The following WWOX variants were observed in gnomAD, a reference collection of about 807,000 sequenced individuals.
The protein encoded by WWOX is WW domain containing oxidoreductase.
In WWOX, 69 loss-of-function variants were observed where a neutral mutation model predicts 46.2. The observed-to-expected ratio is 1.49, with a 90% CI of 1.23 to 1.82. The LOEUF (loss-of-function observed/expected upper bound fraction) is 1.82, where lower values mean the gene tolerates loss of function less well. Among genes scored for constraint, WWOX ranks in the 40% most tolerant of loss-of-function variants. The pLI is 0.00. For missense variants in WWOX, 919 were observed against 542.6 expected, an observed-to-expected ratio of 1.69 and a Z score of -6.89; for synonymous variants, 359 against 202.6, an observed-to-expected ratio of 1.77 and a Z score of -6.56.
intron 4 of WWOX, among the ~76,000 whole-genome samples, chr16:78,125,625 G>C (rs2033329220): frequency 6.6e-6 from 1 of 152,134 alleles, no homozygotes; most frequent in Non-Finnish European, 1.5e-5. Context: ...CCTTTGGGAG[G>C]CTGAGGCAGG....
At chr16:78,589,183 G>T (rs1310449162) in intron 8 of WWOX, among the ~76,000 whole-genome samples, 1 of 152,208 alleles carries the variant, frequency 6.6e-6, no homozygotes, top group African/African-American at 2.4e-5. Flanking sequence ...ATGGAGTGTT[G>T]TTTGTTATTT....
intron 6 of WWOX, among the ~76,000 whole-genome samples, chr16:78,397,769 C>A (rs1478119069): frequency 6.6e-6 from 1 of 152,216 alleles, no homozygotes; most frequent in Non-Finnish European, 1.5e-5. Context: ...AGGTGATCCG[C>A]CCACCTCAAC....
chr16:79,056,455 C>A (rs1242281013), intron 8 of WWOX, among the ~76,000 whole-genome samples: 1 of 152,184 alleles, frequency 6.6e-6, no homozygotes, highest in Non-Finnish European at 1.5e-5. Context: ...GTATCTGGGG[C>A]AGAGGGTTGC....
At chr16:78,767,778 C>T (rs1486771618) in intron 8 of WWOX, among the ~76,000 whole-genome samples, 1 of 152,112 alleles carries the variant, frequency 6.6e-6, no homozygotes, top group Non-Finnish European at 1.5e-5. Flanking sequence ...TGTTACCTCC[C>T]TGCAGTGTTG....
chr16:78,210,785 G>C (rs1321008288), intron 5 of WWOX, among the ~76,000 whole-genome samples: 3 of 152,094 alleles, frequency 2.0e-5, no homozygotes. Context: ...AAAATGTTAG[G>C]TCTACCCAGT....
chr16:78,571,929 A>C (rs1464461877), intron 8 of WWOX, among the ~76,000 whole-genome samples: 1 of 152,206 alleles, frequency 6.6e-6, no homozygotes, highest in Non-Finnish European at 1.5e-5. Context: ...GATTGGCAAA[A>C]CGTTAAGTAC....
In WWOX at chr16:78,773,662, T is replaced by C. The variant is rs567542120; in HGVS notation, c.1056+340910T>C. Among the ~76,000 whole-genome samples the C allele has an allele frequency of 9.7e-4, 148 of 152,248 alleles. 1 individual carries two copies. The highest frequency in any genetic ancestry group is 2.9e-4 in the Non-Finnish European group (20 of 68,028). ...GTTTTCCGCTACTCACTGGATAGTG[T>C]TTATTAAAAACGAAATCACAGTGGT... is the stretch of plus-strand genomic sequence containing the variant. On this transcript the variant is annotated intron_variant, in intron 8 of 8. Coordinates refer to ENST00000566780, the MANE Select transcript of WWOX (RefSeq NM_016373.4).
intron 8 of WWOX, chr16:78,825,647 GT>G: frequency 1.9e-6 from 1 of 520,828 alleles, no homozygotes; most frequent in Non-Finnish European, 3.8e-6. Flanking sequence ...GTGGGCTGTG[GT>G]TCATCATGAA....
chr16:78,895,942 C>T (rs1461088365), intron 8 of WWOX: 2 of 152,138 alleles, frequency 1.3e-5, no homozygotes, highest in African/African-American at 2.4e-5. Flanking sequence ...TGAATTTGGT[C>T]TTGACGCTGA....
intron 8 of WWOX, among the ~76,000 whole-genome samples, chr16:78,733,298 A>T (rs1487108045): frequency 6.6e-6 from 1 of 152,068 alleles, no homozygotes; most frequent in Non-Finnish European, 1.5e-5. Context: ...TCTACAAAAA[A>T]TAATAAATTA....
intron 5 of WWOX, among the ~76,000 whole-genome samples, chr16:78,240,237 G>C (rs143860569): frequency 9.9e-5 from 15 of 151,986 alleles, no homozygotes; most frequent in Non-Finnish European, 1.9e-4. Context: ...CCAGCTACTC[G>C]GGAGGCTGCG....
chr16:79,001,914 C>T (rs534401936), intron 8 of WWOX, among the ~76,000 whole-genome samples: 1 of 152,128 alleles, frequency 6.6e-6, no homozygotes, highest in African/African-American at 2.4e-5. Flanking sequence ...TAATTACCAG[C>T]AGTCCATAGT....
chr16:78,380,811 A>G (rs537975144), intron 5 of WWOX, among the ~76,000 whole-genome samples: 8 of 152,278 alleles, frequency 5.3e-5, no homozygotes, highest in Non-Finnish European at 8.8e-5. Flanking sequence ...CACCCCCTGA[A>G]AAAAGAAAAC....
At chr16:78,227,624 C>G (rs1014284619) in intron 5 of WWOX, among the ~76,000 whole-genome samples, 2 of 152,160 alleles carry the variant, frequency 1.3e-5, no homozygotes, top group Non-Finnish European at 2.9e-5. Flanking sequence ...CACCTGTAAT[C>G]CCAGCACTTT....
intron 8 of WWOX, among the ~76,000 whole-genome samples, chr16:78,543,301 G>A (rs988680108): frequency 1.6e-5 from 2 of 126,282 alleles, no homozygotes; most frequent in African/African-American, 2.5e-5. Flanking sequence ...GGCCAGTCAC[G>A]TGGCCCTGAA....
intron 8 of WWOX, among the ~76,000 whole-genome samples, chr16:78,492,589 T>A (rs1270604615): frequency 1.3e-5 from 2 of 152,198 alleles, no homozygotes; most frequent in African/African-American, 4.8e-5. Context: ...CTAGGAGATA[T>A]TCATGGAATC....
intron 4 of WWOX, among the ~76,000 whole-genome samples, chr16:78,130,554 G>T (rs1471675394): frequency 6.6e-6 from 1 of 152,194 alleles, no homozygotes; most frequent in Admixed American, 6.5e-5. Flanking sequence ...CACTGAGGTT[G>T]AACAGAGCTG....
intron 8 of WWOX, among the ~76,000 whole-genome samples, chr16:78,628,933 T>G (rs1390203670): frequency 6.6e-6 from 1 of 152,134 alleles, no homozygotes; most frequent in Non-Finnish European, 1.5e-5. Context: ...AGAGGCATAT[T>G]TAGGAGATGT....
Position 79,212,231 on chromosome 16 carries a change from C to A in WWOX, c.*435C>A. On this transcript the variant is annotated 3_prime_UTR_variant, in exon 9 of 9. Transcript: ENST00000566780. ...GAAGAAAAAGCAAGTGTTCACTGCT[C>A]CTTGCTGCATTGATCCAGGAGATAA... 3 of 1,369,640 alleles carry A rather than the reference C, an allele frequency of 2.2e-6. No homozygotes were observed. Among genetic ancestry groups the A allele is most frequent in the Non-Finnish European group, 2.9e-6 (3 of 1,038,372 alleles). 84.8% of individuals were successfully genotyped at this position (1,369,640 alleles called of 1,614,324 possible).
Sources: gnomAD v4.1 joint callset for allele counts (sites outside exome capture counted in the v4.1 genomes callset) on GRCh38, gnomAD v4.1.1 for gene constraint, MANE v1.5 for transcripts, NCBI Gene and HGNC (gene_info 2026-07-23, HGNC 2026-07-21) for gene names.